The following CTNNA2 variants were observed in gnomAD, a reference collection of about 807,000 sequenced individuals.
The protein encoded by CTNNA2 is catenin alpha-2.
A neutral mutation model predicts 101.0 loss-of-function variants in CTNNA2; 42 were observed. The observed-to-expected ratio is 0.42, with a 90% CI of 0.32 to 0.54. The LOEUF (loss-of-function observed/expected upper bound fraction) is 0.54, where lower values mean the gene tolerates loss of function less well. Ranked by LOEUF, CTNNA2 falls within the 20% of genes least tolerant of loss-of-function variation. The probability of loss-of-function intolerance (pLI) is 0.14; values close to 1 mark genes in which losing one functional copy is unlikely to be tolerated. For missense variants in CTNNA2, 871 were observed against 1,223.1 expected (o/e 0.71, Z 4.29); for synonymous variants, 450 against 456.4 (o/e 0.99, Z 0.18).
At chr2:79,823,967 A>G (rs937024180) in intron 3 of CTNNA2, among the ~76,000 whole-genome samples, 1 of 152,198 alleles carries the variant, frequency 6.6e-6, no homozygotes. Context: ...ACAGTGCTAA[A>G]TGCAAGGACC....
chr2:79,922,502 T>C (rs1024796797), intron 7 of CTNNA2, among the ~76,000 whole-genome samples: 1 of 152,140 alleles, frequency 6.6e-6, no homozygotes, highest in African/African-American at 2.4e-5. Flanking sequence ...TTCTCTGACC[T>C]TCTCTTCTTA....
At chr2:79,766,179 A>C (rs1481432542) in intron 3 of CTNNA2, among the ~76,000 whole-genome samples, 2 of 152,146 alleles carry the variant, frequency 1.3e-5, no homozygotes, top group Admixed American at 6.5e-5. Context: ...TTCTTATTGA[A>C]GTGCTTCCTT....
At chr2:80,209,799 C>CTATA (rs1707772916) in intron 7 of CTNNA2, among the ~76,000 whole-genome samples, 2 of 152,114 alleles carry the variant, frequency 1.3e-5, no homozygotes, top group Admixed American at 6.5e-5. Context: ...CTGAGTAAGG[C>CTATA]TATACATGAT....
At chr2:80,446,765 C>T (rs1023940065) in intron 9 of CTNNA2, among the ~76,000 whole-genome samples, 19 of 152,132 alleles carry the variant, frequency 1.2e-4, no homozygotes, top group Admixed American at 9.8e-4. Flanking sequence ...GCAGTACAGA[C>T]TCCTATTAAG....
At chr2:79,311,843 T>C (rs1476991762) in intron 2 of CTNNA2, among the ~76,000 whole-genome samples, 2 of 152,324 alleles carry the variant, frequency 1.3e-5, no homozygotes, top group Middle Eastern at 3.4e-3. Context: ...GTCTTTTCCT[T>C]TGGAGGTAGT....
At chr2:80,317,296 G>A (rs571476414) in intron 7 of CTNNA2, among the ~76,000 whole-genome samples, 1 of 152,278 alleles carries the variant, frequency 6.6e-6, no homozygotes, top group Non-Finnish European at 1.5e-5. Context: ...TAAAGTGATT[G>A]ATTGCTCTGT....
chr2:80,234,129 C>G (rs999264608), intron 7 of CTNNA2, among the ~76,000 whole-genome samples: 1 of 152,034 alleles, frequency 6.6e-6, no homozygotes, highest in Non-Finnish European at 1.5e-5. Flanking sequence ...TCACTGCAAC[C>G]TCCACCTCCC....
chr2:80,254,906 T>G (rs1174531442), intron 7 of CTNNA2, among the ~76,000 whole-genome samples: 1 of 152,122 alleles, frequency 6.6e-6, no homozygotes, highest in Non-Finnish European at 1.5e-5. Flanking sequence ...AGACAGAACC[T>G]GGGTACTGGG....
chr2:80,569,833 G>A (rs1276809090), intron 12 of CTNNA2, among the ~76,000 whole-genome samples: 6 of 150,998 alleles, frequency 4.0e-5, no homozygotes, highest in Admixed American at 1.3e-4. Context: ...TAGTAGAGAC[G>A]GGGTTTCACT....
intron 12 of CTNNA2, among the ~76,000 whole-genome samples, chr2:80,569,980 A>G (rs1558598677): frequency 6.6e-6 from 1 of 152,044 alleles, no homozygotes; most frequent in African/African-American, 2.4e-5. Context: ...AGAAAAATTA[A>G]TAGTCAACCT....
intron 7 of CTNNA2, among the ~76,000 whole-genome samples, chr2:80,190,856 A>T (rs975250245): frequency 6.6e-6 from 1 of 152,182 alleles, no homozygotes; most frequent in East Asian, 1.9e-4. Flanking sequence ...TGCAACAGCA[A>T]TGTCCATCTC....
chr2:79,314,510 T>C (rs1676452905), intron 3 of CTNNA2, among the ~76,000 whole-genome samples: 1 of 152,162 alleles, frequency 6.6e-6, no homozygotes, highest in Non-Finnish European at 1.5e-5. Context: ...CAGTGCACCG[T>C]TATATTGAGG....
chr2:79,338,033 G>T (rs934901778), intron 3 of CTNNA2, among the ~76,000 whole-genome samples: 6 of 151,972 alleles, frequency 3.9e-5, no homozygotes, highest in African/African-American at 1.4e-4. Flanking sequence ...ATCACCTGAG[G>T]TCAGGAGTTC....
intron 3 of CTNNA2, among the ~76,000 whole-genome samples, chr2:79,755,810 A>G (rs973795355): frequency 6.6e-6 from 1 of 152,208 alleles, no homozygotes; most frequent in Non-Finnish European, 1.5e-5. Flanking sequence ...CTATCTAGGA[A>G]TGAAATCAAT....
At chr2:79,570,831 T>C (rs1675419317) in intron 1 of CTNNA2, among the ~76,000 whole-genome samples, 1 of 152,084 alleles carries the variant, frequency 6.6e-6, no homozygotes, top group East Asian at 1.9e-4. Flanking sequence ...CATACAGAGT[T>C]ACAAATACAA....
chr2:79,658,299 A>T (rs912146433), intron 2 of CTNNA2, among the ~76,000 whole-genome samples: 3 of 151,968 alleles, frequency 2.0e-5, no homozygotes, highest in Non-Finnish European at 4.4e-5. Flanking sequence ...TAAAATATAG[A>T]TAATAATAAT....
intron 4 of CTNNA2, among the ~76,000 whole-genome samples, chr2:79,869,614 A>G (rs1272506566): frequency 2.0e-5 from 3 of 152,170 alleles, no homozygotes; most frequent in East Asian, 1.9e-4. Context: ...TTGCTTTTTT[A>G]TATACAAAAT....
At chr2:80,329,241 T>C (rs991557335) in intron 7 of CTNNA2, among the ~76,000 whole-genome samples, 2 of 152,210 alleles carry the variant, frequency 1.3e-5, no homozygotes, top group African/African-American at 4.8e-5. Context: ...ACCAGCCTGG[T>C]GTTCATGGAA....
chr2:80,383,021 G>A (rs1187746229), intron 7 of CTNNA2, among the ~76,000 whole-genome samples: 1 of 152,124 alleles, frequency 6.6e-6, no homozygotes, highest in Non-Finnish European at 1.5e-5. Flanking sequence ...TTTTTTAGCA[G>A]TTTGCTCAGT....
Sources: gnomAD v4.1 joint callset for allele counts (sites outside exome capture counted in the v4.1 genomes callset) on GRCh38, gnomAD v4.1.1 for gene constraint, MANE v1.5 for transcripts, NCBI Gene and HGNC (gene_info 2026-07-23, HGNC 2026-07-21) for gene names.